The following BANP variants were observed in gnomAD, a reference collection of about 807,000 sequenced individuals.
BANP encodes protein BANP.
Under a neutral mutation model 68.1 loss-of-function variants are expected in BANP, and 11 were observed. The observed-to-expected ratio is 0.16, with a 90% CI of 0.10 to 0.27. BANP has a LOEUF of 0.27. Ranked by LOEUF, BANP falls within the 10% of genes least tolerant of loss-of-function variation. The pLI is 1.00. For missense variants in BANP, 504 were observed against 722.7 expected (o/e 0.70, Z 3.47); for synonymous variants, 329 against 303.2 (o/e 1.09, Z -0.88).
chr16:88,070,023 C>T (rs567762809), intron 12 of BANP, among the ~76,000 whole-genome samples: 21 of 151,996 alleles, frequency 1.4e-4, no homozygotes, highest in Middle Eastern at 3.4e-3. Flanking sequence ...GATCCACTTC[C>T]GCTTAATAAA....
At chr16:88,028,723 C>T (rs964545866) in intron 8 of BANP, among the ~76,000 whole-genome samples, 1 of 152,188 alleles carries the variant, frequency 6.6e-6, no homozygotes, top group African/African-American at 2.4e-5. Flanking sequence ...TAACCTGTGG[C>T]TATTGAAATG....
chr16:88,073,620 C>T (rs924114155), intron 13 of BANP, among the ~76,000 whole-genome samples: 2 of 152,200 alleles, frequency 1.3e-5, no homozygotes, highest in Non-Finnish European at 2.9e-5. Flanking sequence ...TGAACCTTGG[C>T]CTGTCCGTGA....
intron 11 of BANP, among the ~76,000 whole-genome samples, chr16:88,054,323 C>G (rs1473722863): frequency 7.8e-6 from 1 of 128,928 alleles, no homozygotes; most frequent in Non-Finnish European, 1.9e-5. Flanking sequence ...ACCTTCACCA[C>G]TGTCATCTCC....
intron 4 of BANP, among the ~76,000 whole-genome samples, chr16:87,986,235 C>T (rs1354105135): frequency 1.3e-5 from 2 of 152,240 alleles, no homozygotes; most frequent in Admixed American, 6.5e-5. Flanking sequence ...CGGAGCCTTG[C>T]GTGCTGGCGG....
rs1188291175 is a variant in BANP, at chr16:88,004,366, C to T, written c.434C>T (p.Pro145Leu). 4.5e-6 allele frequency: 7 copies of T among 1,549,356 alleles called. No homozygotes were observed. Among genetic ancestry groups the T allele is most frequent in the East Asian group, 4.9e-5 (2 of 40,930 alleles). The change falls in exon 5 of 14, where the codon CCC (proline) becomes CTC (leucine). Residue 145 changes from proline to leucine, a missense_variant. Around this residue, in one of 3 missense-constraint regions of BANP, gnomAD observed 238 missense variants for 278.9 expected, o/e 0.85. Coordinates refer to ENST00000682872, the MANE Select transcript of BANP (RefSeq NM_001386991.1). The surrounding 1 kb of genome is among the most constrained non-coding windows in gnomAD (Gnocchi z 7.0). The part of the protein sequence containing the change: ...QNAIVAKMED[P>L]LSNRAPDSLE... Reference sequence around the variant, plus strand: ...GCCATTGTAGCCAAGATGGAAGACCCCTTGAGCAACAGGGCACCGGATTCC... The same window carrying T: ...GCCATTGTAGCCAAGATGGAAGACCTCTTGAGCAACAGGGCACCGGATTCC...
chr16:87,997,127 TG>T (rs2067473025), intron 4 of BANP, among the ~76,000 whole-genome samples: 1 of 152,162 alleles, frequency 6.6e-6, no homozygotes, highest in Admixed American at 6.5e-5. Flanking sequence ...GCTTTCAAAG[TG>T]GAAGATGTTT....
chr16:87,988,074 G>A (rs1598149319), intron 4 of BANP, among the ~76,000 whole-genome samples: 1 of 152,184 alleles, frequency 6.6e-6, no homozygotes, highest in East Asian at 1.9e-4. Context: ...TAACAGATAA[G>A]AACATAATCC....
chr16:88,075,746 C>T (rs1482321429), intron 13 of BANP, among the ~76,000 whole-genome samples: 3 of 120,900 alleles, frequency 2.5e-5, no homozygotes, highest in African/African-American at 6.4e-5. Context: ...TTTTCCTTTA[C>T]TTTTTTTTTT....
At chr16:88,022,850 C>T (rs752875687) in intron 7 of BANP, among the ~76,000 whole-genome samples, 1 of 152,318 alleles carries the variant, frequency 6.6e-6, no homozygotes, top group Middle Eastern at 3.4e-3. Context: ...CTTATGAGGA[C>T]AGTCACTGGA....
At chr16:88,065,044 C>G (rs956973845) in intron 11 of BANP, among the ~76,000 whole-genome samples, 1 of 152,218 alleles carries the variant, frequency 6.6e-6, no homozygotes, top group Non-Finnish European at 1.5e-5. Flanking sequence ...ACTGCCAGGC[C>G]TTTTGTTTCT....
At chr16:88,006,530 C>T (rs1025470930) in intron 6 of BANP, among the ~76,000 whole-genome samples, 7 of 151,472 alleles carry the variant, frequency 4.6e-5, no homozygotes, top group African/African-American at 1.5e-4. Context: ...CCTGTAATCC[C>T]AGCTACTCGG....
intron 6 of BANP, among the ~76,000 whole-genome samples, chr16:88,011,547 CAAAAA>C (rs1180747790): frequency 6.6e-6 from 1 of 152,138 alleles, no homozygotes; most frequent in Non-Finnish European, 1.5e-5. Flanking sequence ...ACAGCCCACT[CAAAAA>C]GACAAACAAA....
intron 1 of BANP, among the ~76,000 whole-genome samples, chr16:87,972,446 T>C (rs1474518890): frequency 7.3e-6 from 1 of 137,234 alleles, no homozygotes; most frequent in East Asian, 2.3e-4. Flanking sequence ...TTAGTTTTCG[T>C]CTTTTTGGGG....
intron 4 of BANP, among the ~76,000 whole-genome samples, chr16:87,989,325 T>A (rs1381716187): frequency 6.6e-6 from 1 of 152,210 alleles, no homozygotes; most frequent in Non-Finnish European, 1.5e-5. Context: ...GACCCGAGGT[T>A]TTAACTTTAA....
In BANP at chr16:88,072,228, C is replaced by G. The variant is rs772072018; in HGVS notation, c.1521+16C>G. ...CGGGGCACAGGTGAGTCTGGGGCCC[C>G]GCGCCGGGACACTGAAGTGATGGCA... On this transcript the variant is annotated intron_variant, in intron 13 of 13. Coordinates refer to ENST00000682872, the MANE Select transcript of BANP (RefSeq NM_001386991.1). The G allele has an allele frequency of 1.3e-6, 2 of 1,598,660 alleles. No individual in the cohort carries two copies. The highest frequency in any genetic ancestry group is 1.7e-6 in the Non-Finnish European group (2 of 1,174,076).
At chr16:87,992,695 G>C (rs1346996426) in intron 4 of BANP, among the ~76,000 whole-genome samples, 2 of 151,960 alleles carry the variant, frequency 1.3e-5, no homozygotes, top group African/African-American at 4.8e-5. Context: ...TCAGGAGGTT[G>C]GGGCAGGAGA....
At chr16:88,020,741 G>A (rs2075865943) in intron 7 of BANP, among the ~76,000 whole-genome samples, 1 of 152,214 alleles carries the variant, frequency 6.6e-6, no homozygotes, top group Non-Finnish European at 1.5e-5. Flanking sequence ...GGAGAAGACA[G>A]GGGCCTTGGA....
intron 4 of BANP, among the ~76,000 whole-genome samples, chr16:87,989,863 CCAGGACA>C (rs1437682868): frequency 8.4e-6 from 1 of 119,032 alleles, no homozygotes; most frequent in Non-Finnish European, 1.7e-5. Context: ...CTGCGTGCAT[CCAGGACA>C]CAGGACACAG....
intron 11 of BANP, among the ~76,000 whole-genome samples, chr16:88,043,134 G>A (rs1165392271): frequency 1.3e-5 from 2 of 152,086 alleles, no homozygotes; most frequent in African/African-American, 2.4e-5. Context: ...TGCCCTCCTC[G>A]CCTCTTGCCC....
Sources: gnomAD v4.1 joint callset for allele counts (sites outside exome capture counted in the v4.1 genomes callset) on GRCh38, gnomAD v4.1.1 for gene constraint, gnomAD v4.1.1 regional missense constraint, Gnocchi (gnomAD v3.1) non-coding constraint, MANE v1.5 for transcripts, NCBI Gene and HGNC (gene_info 2026-07-23, HGNC 2026-07-21) for gene names.